Variants in GANAB observed in about 807,000 individuals in gnomAD.
GANAB encodes neutral alpha-glucosidase AB.
Under a neutral mutation model 129.9 loss-of-function variants are expected in GANAB, and 35 were observed. The observed-to-expected ratio is 0.27, with a 90% confidence interval of 0.21 to 0.36. The LOEUF is 0.36. Among genes scored for constraint, GANAB ranks in the 10% least tolerant of loss-of-function variants. The pLI, the probability that GANAB is intolerant of heterozygous loss-of-function variation, is 1.00. For missense variants in GANAB, 939 were observed against 1,221.0 expected (o/e 0.77, Z 3.44); for synonymous variants, 482 against 451.8 (o/e 1.07, Z -0.85).
rs532875966 is a variant in GANAB at position 62,639,821 on chromosome 11, T to C, written c.39-90A>G. On this transcript the variant is annotated intron_variant, in intron 1 of 23. Coordinates refer to ENST00000356638, the MANE Select transcript of GANAB (RefSeq NM_198334.3). ...GAAAAGCTTCTTCCTGTCATAGCAC[T>C]AGAAGATAGTTGAGGAAAGAGGGGA... The C allele has an allele frequency of 5.5e-5, 42 of 766,198 alleles. No individual in the cohort carries two copies. In the South Asian group the frequency reaches 6.1e-4, roughly 11 times the overall value. 47.5% of individuals were successfully genotyped at this position (766,198 alleles called of 1,614,324 possible). A position where few individuals can be genotyped will look rare whatever the true frequency, so the allele number is the denominator to read the frequency against.
At chr11:62,630,575 G>A in intron 11 of GANAB, 26 bp downstream of exon 11, 1 of 1,611,256 alleles carries the variant, frequency 6.2e-7, no homozygotes. Context: ...ACCCTGAGAA[G>A]ACCAAGCGTG....
intron 1 of GANAB, among the ~76,000 whole-genome samples, chr11:62,642,862 T>A (rs1944327287): frequency 6.6e-6 from 1 of 152,210 alleles, no homozygotes; most frequent in African/African-American, 2.4e-5. Context: ...TGGGGTTTAT[T>A]TCCAGATGGG....
At chr11:62,641,487 A>G (rs916275982) in intron 1 of GANAB, among the ~76,000 whole-genome samples, 1 of 151,928 alleles carries the variant, frequency 6.6e-6, no homozygotes, top group African/African-American at 2.4e-5. Flanking sequence ...CCCAAAGCTG[A>G]AAAAAAATAA....
At chr11:62,646,300 G>A (rs1409370810) in intron 1 of GANAB, among the ~76,000 whole-genome samples, 1 of 152,226 alleles carries the variant, frequency 6.6e-6, no homozygotes, top group Non-Finnish European at 1.5e-5. Flanking sequence ...GCGGCTGAGA[G>A]CGGCCAAGAC....
intron 3 of GANAB, 69 bp downstream of exon 3, chr11:62,639,290 T>C (rs1944109230): frequency 7.9e-7 from 1 of 1,267,784 alleles, no homozygotes; most frequent in Non-Finnish European, 1.2e-6. Context: ...TGGCCACAAT[T>C]TCCCCCTTTC....
In GANAB at chr11:62,629,942, G is replaced by C; in HGVS notation, c.1609C>G (p.Leu537Val). ...YDNYEGSAPN[L>V]FVWNDMNEPS... ...TCGTTCATGTCATTCCAGACAAAGA[G>C]GTTGGGAGCTGAGCCCTGGGAACGT... Residue 537 changes from leucine (L) to valine (V), a missense_variant, in exon 14 of 24, where the codon CTC becomes GTC. Leu to Val is a conservative substitution (Grantham distance 32). Coordinates refer to ENST00000356638, the MANE Select transcript of GANAB (RefSeq NM_198334.3). 6.2e-7 allele frequency: 1 copy of C among 1,614,172 alleles called. No homozygotes were observed. Among genetic ancestry groups the C allele is most frequent in the South Asian group, 1.1e-5 (1 of 91,084 alleles).
In GANAB at chr11:62,634,929, A is replaced by C; in HGVS notation, c.452T>G (p.Leu151Trp). 6.2e-7 allele frequency: 1 copy of C among 1,613,750 alleles called. No homozygotes were observed. Among genetic ancestry groups the C allele is most frequent in the Non-Finnish European group, 8.5e-7 (1 of 1,179,622 alleles). ...TMAEGPYKII[L>W]TARPFRLDLL... ...GTCAAGGCGGAATGGCCGTGCTGTC[A>C]AGATGATCTTGTAGGGTCCCTCAGC... The change falls in exon 5 of 24, where the codon TTG becomes TGG. Residue 151 changes from leucine (L) to tryptophan (W), a missense_variant. Physicochemically the swap from Leu to Trp is moderately conservative, Grantham distance 61. Coordinates refer to ENST00000356638, the MANE Select transcript of GANAB (RefSeq NM_198334.3).
intron 4 of GANAB, among the ~76,000 whole-genome samples, chr11:62,637,384 C>G (rs975799765): frequency 2.0e-5 from 3 of 152,028 alleles, no homozygotes; most frequent in Admixed American, 1.3e-4. Context: ...GAGATCGAGA[C>G]CATCCTGGCT....
chr11:62,631,351 T>C (rs1387954455), intron 9 of GANAB, among the ~76,000 whole-genome samples, 168 bp from the exon 10 acceptor site: 1 of 151,946 alleles, frequency 6.6e-6, no homozygotes, highest in Non-Finnish European at 1.5e-5. Flanking sequence ...TAGACCACAC[T>C]ATCTAAAGCA....
chr11:62,642,139 A>T (rs930053177), intron 1 of GANAB, among the ~76,000 whole-genome samples: 3 of 152,040 alleles, frequency 2.0e-5, no homozygotes, highest in African/African-American at 4.8e-5. Context: ...TTGAACCAGG[A>T]GGTGGAGGTT....
intron 1 of GANAB, among the ~76,000 whole-genome samples, chr11:62,641,237 G>A (rs373148880): frequency 2.0e-5 from 3 of 151,548 alleles, no homozygotes; most frequent in South Asian, 4.2e-4. Flanking sequence ...ACAGCTACTC[G>A]GGAGGCTGAG....
In GANAB at chr11:62,630,177, T is replaced by C. The variant is rs1486738028; in HGVS notation, c.1593+20A>G. 3.2e-6 allele frequency: 5 copies of C among 1,573,992 alleles called. No individual in the cohort carries two copies. The South Asian group carries it at 5.6e-5, about 18-fold the overall frequency. ...AGGTGGAACAGACAGACGCAGGTCA[T>C]GGGGAGAGGCCTTCCCTACCTCATA... On this transcript the variant is annotated intron_variant, in intron 13 of 23. Transcript: ENST00000356638.
intron 5 of GANAB, chr11:62,634,228 TG>T: frequency 3.3e-6 from 3 of 917,430 alleles, no homozygotes; most frequent in Non-Finnish European, 5.5e-6. Flanking sequence ...TGGAAGGGTC[TG>T]GGGCACCTCC....
At chr11:62,633,312 TTC>T (rs1428680929) in intron 6 of GANAB, 41 bp from the exon 7 acceptor site, 1 of 1,565,840 alleles carries the variant, frequency 6.4e-7, no homozygotes, top group Admixed American at 1.7e-5. Flanking sequence ...ATCATACCAG[TTC>T]TCTCTTTCCC....
intron 1 of GANAB, among the ~76,000 whole-genome samples, chr11:62,646,360 G>A (rs1590833349): frequency 1.3e-5 from 2 of 151,920 alleles, no homozygotes; most frequent in Admixed American, 6.5e-5. Context: ...GCGGGAGCCC[G>A]GAGCCCCACA....
chr11:62,629,962 G>A lies in GANAB; in HGVS notation c.1594-5C>T. The A allele has an allele frequency of 3.7e-6, 6 of 1,613,810 alleles. No individual in the cohort carries two copies. Among genetic ancestry groups the A allele is most frequent in the Non-Finnish European group, 4.2e-6 (5 of 1,179,714 alleles). On this transcript the variant is annotated splice_region_variant and splice_polypyrimidine_tract_variant and intron_variant, in intron 13 of 23. Transcript: ENST00000356638. ...AAAGAGGTTGGGAGCTGAGCCCTGG[G>A]AACGTGGGCAGAAAATGGGGACAGA...
intron 10 of GANAB, 31 bp from the exon 11 acceptor site, chr11:62,630,867 C>G (rs757297116): frequency 6.4e-7 from 1 of 1,570,974 alleles, no homozygotes; most frequent in South Asian, 1.1e-5. Context: ...GGGGTCACAA[C>G]GAGGATCAGG....
At chr11:62,636,859 G>A (rs1426846752) in intron 4 of GANAB, among the ~76,000 whole-genome samples, 2 of 152,086 alleles carry the variant, frequency 1.3e-5, no homozygotes, top group Admixed American at 6.6e-5. Flanking sequence ...CACAGGAGGC[G>A]GAGGTTGTGG....
chr11:62,633,751 G>T, intron 5 of GANAB: 1 of 579,526 alleles, frequency 1.7e-6, no homozygotes. Context: ...GCACAGGCCT[G>T]AACACCAGCC....
Sources: allele counts gnomAD v4.1 joint callset (sites outside exome capture counted in the v4.1 genomes callset), GRCh38; gene constraint gnomAD v4.1.1; transcripts MANE v1.5; gene names NCBI Gene and HGNC (gene_info 2026-07-23, HGNC 2026-07-21).